FOCAD: variants seen among roughly 807,000 people sequenced by gnomAD.
FOCAD encodes the protein KIAA1797.
Under a neutral mutation model 225.6 loss-of-function variants are expected in FOCAD, and 198 were observed. The ratio of observed to expected loss-of-function variants is 0.88; its 90% confidence interval spans 0.78 to 0.99. The LOEUF (loss-of-function observed/expected upper bound fraction) is 0.99, where lower values mean the gene tolerates loss of function less well. Among genes scored for constraint, FOCAD ranks in the 50% least tolerant of loss-of-function variants. The pLI, the probability that FOCAD is intolerant of heterozygous loss-of-function variation, is 0.00. For missense variants in FOCAD, 2,713 were observed against 2,123.6 expected (o/e 1.28, Z -5.46); for synonymous variants, 897 against 755.0 (o/e 1.19, Z -3.08).
intron 15 of FOCAD, among the ~76,000 whole-genome samples, chr9:20,858,049 C>A (rs1002716982): frequency 2.1e-5 from 2 of 94,398 alleles, no homozygotes; most frequent in Non-Finnish European, 4.6e-5. Flanking sequence ...GCCTGTAGTT[C>A]TCTTTTTTTT....
chr9:20,747,071 A>C (rs7043296), intron 5 of FOCAD, among the ~76,000 whole-genome samples: 5 of 152,106 alleles, frequency 3.3e-5, no homozygotes, highest in African/African-American at 1.2e-4. Context: ...ACTAATAAGC[A>C]ATCTGTGGGG....
chr9:20,742,795 A>C (rs1489351825), intron 5 of FOCAD, among the ~76,000 whole-genome samples: 2 of 152,136 alleles, frequency 1.3e-5, no homozygotes, highest in Non-Finnish European at 2.9e-5. Context: ...TTGTTTCAAA[A>C]GGCAATTGCT....
At chr9:20,675,042 C>A (rs1822192228) in intron 2 of FOCAD, among the ~76,000 whole-genome samples, 1 of 152,174 alleles carries the variant, frequency 6.6e-6, no homozygotes, top group South Asian at 2.1e-4. Flanking sequence ...CAGTCAAGGG[C>A]AATTGACTTC....
chr9:20,729,729 G>A (rs1040607631), intron 4 of FOCAD, among the ~76,000 whole-genome samples: 25 of 152,110 alleles, frequency 1.6e-4, no homozygotes, highest in African/African-American at 6.0e-4. Context: ...TTGGAGGAGA[G>A]CCACATGGAA....
At chr9:20,781,520 TA>T in intron 9 of FOCAD, among the ~76,000 whole-genome samples, 1 of 152,344 alleles carries the variant, frequency 6.6e-6, no homozygotes, top group South Asian at 2.1e-4. Context: ...ATTTTTCAGT[TA>T]TATATGTTAA....
At chr9:20,974,808 G>A (rs867460799) in intron 35 of FOCAD, among the ~76,000 whole-genome samples, 609 of 145,586 alleles carry the variant, frequency 4.2e-3, no homozygotes, top group African/African-American at 0.014. Context: ...CCTTTTTCCT[G>A]TGCTTCTCAT....
At chr9:20,691,435 A>G (rs564374039) in intron 1 of FOCAD, among the ~76,000 whole-genome samples, 1 of 152,062 alleles carries the variant, frequency 6.6e-6, no homozygotes, top group African/African-American at 2.4e-5. Flanking sequence ...CATATCATTC[A>G]GCCTTTAAAT....
intron 6 of FOCAD, among the ~76,000 whole-genome samples, chr9:20,760,048 A>G (rs1829434409): frequency 1.3e-5 from 2 of 152,122 alleles, no homozygotes. Flanking sequence ...GGGCCTCAAT[A>G]TCTCTTGATG....
At chr9:20,734,371 A>G (rs1052363924) in intron 4 of FOCAD, among the ~76,000 whole-genome samples, 1 of 152,208 alleles carries the variant, frequency 6.6e-6, no homozygotes, top group Non-Finnish European at 1.5e-5. Context: ...TTGAAATCCC[A>G]TTCCTAGACC....
At chr9:20,734,733 C>T (rs973864842) in intron 4 of FOCAD, among the ~76,000 whole-genome samples, 3 of 152,096 alleles carry the variant, frequency 2.0e-5, no homozygotes, top group African/African-American at 7.2e-5. Context: ...CAGCCCCAAC[C>T]TCCTGGGCTC....
intron 11 of FOCAD, among the ~76,000 whole-genome samples, chr9:20,803,750 T>C (rs1428948685): frequency 6.6e-6 from 1 of 152,128 alleles, no homozygotes; most frequent in Non-Finnish European, 1.5e-5. Context: ...TATGGAGCAG[T>C]AGGTTAATCC....
intron 15 of FOCAD, among the ~76,000 whole-genome samples, chr9:20,858,207 A>C (rs1396069240): frequency 6.6e-6 from 1 of 151,958 alleles, no homozygotes. Flanking sequence ...ATCAGCAATG[A>C]AGCCATCAGA....
chr9:20,758,257 T>C lies in FOCAD; in HGVS notation c.494+66T>C, dbSNP rs968452688. On this transcript the variant is annotated intron_variant, in intron 6 of 43. Transcript: ENST00000338382. The stretch of plus-strand genomic sequence containing the variant: ...GAATGGTATATGCTAATTTTAGAGC[T>C]AGGGTTTTTTTTTGTTTGTTTGTTT... 6.4e-5 allele frequency: 75 copies of C among 1,167,234 alleles called. No homozygotes were observed. In the African/African-American group the frequency reaches 1.1e-3, roughly 16 times the overall value. 72.3% of individuals were successfully genotyped at this position (1,167,234 alleles called of 1,614,324 possible). A position where few individuals can be genotyped will look rare whatever the true frequency, so the allele number is the denominator to read the frequency against.
Position 20,701,746 on chromosome 9 carries a change from T to G in FOCAD, c.-32-13576T>G, listed in dbSNP as rs190109956. Among the ~76,000 whole-genome samples, 77 of 152,342 alleles carry G rather than the reference T, an allele frequency of 5.1e-4. No individual in the cohort carries two copies. In the East Asian group the frequency reaches 0.01, roughly 20 times the overall value. On this transcript the variant is annotated intron_variant, in intron 1 of 43. Transcript: ENST00000338382. ...GAAAGTTAAGTTTAGATAAACAATT[T>G]TTATGTTTTGTGCTCTGGGCAAGGA...
In FOCAD at chr9:20,789,553, A is replaced by G. The variant is rs765559875; in HGVS notation, c.1400A>G (p.Asn467Ser). 3.7e-6 allele frequency: 6 copies of G among 1,613,790 alleles called. No homozygotes were observed. In the Admixed American group the frequency reaches 1.0e-4, roughly 27 times the overall value. Reference sequence around the variant, plus strand: ...CTCCTTGTTGAAGACAAAGGACAAAATCTTCACCAAATACTCAAGGTCACT... The same window carrying G: ...CTCCTTGTTGAAGACAAAGGACAAAGTCTTCACCAAATACTCAAGGTCACT... ...AHLLVEDKGQNLHQILKVTTE... is the reference protein window; with the variant it reads ...AHLLVEDKGQSLHQILKVTTE... The change falls in exon 11 of 44, where the codon AAT becomes AGT. Residue 467 changes from asparagine to serine, a missense_variant. By Grantham distance (46) the Asn-to-Ser change is conservative. Coordinates refer to ENST00000338382, the MANE Select transcript of FOCAD (RefSeq NM_001375567.1).
chr9:20,906,357 A>C (rs1832980072), intron 21 of FOCAD, among the ~76,000 whole-genome samples: 1 of 152,012 alleles, frequency 6.6e-6, no homozygotes. Flanking sequence ...GTAGGACACA[A>C]AGTAAAGTTG....
chr9:20,770,767 C>G (rs1180287019), intron 8 of FOCAD, among the ~76,000 whole-genome samples: 2 of 152,150 alleles, frequency 1.3e-5, no homozygotes, highest in African/African-American at 4.8e-5. Flanking sequence ...TGATCTAATA[C>G]CATTAGCGCA....
intron 10 of FOCAD, among the ~76,000 whole-genome samples, chr9:20,785,706 C>T (rs1268075108): frequency 1.3e-5 from 2 of 152,102 alleles, no homozygotes; most frequent in Non-Finnish European, 2.9e-5. Flanking sequence ...TATAATGCTG[C>T]TATAATCATT....
chr9:20,837,367 G>A (rs186494144), intron 15 of FOCAD, among the ~76,000 whole-genome samples: 2 of 152,164 alleles, frequency 1.3e-5, no homozygotes, highest in African/African-American at 2.4e-5. Flanking sequence ...CACTGGGAGG[G>A]TTTTAATGAT....
Sources: allele counts gnomAD v4.1 joint callset (sites outside exome capture counted in the v4.1 genomes callset), GRCh38; gene constraint gnomAD v4.1.1; transcripts MANE v1.5; gene names NCBI Gene and HGNC (gene_info 2026-07-23, HGNC 2026-07-21).